The following TEX14 variants were observed in gnomAD, a reference collection of about 807,000 sequenced individuals.
The protein encoded by TEX14 is inactive serine/threonine-protein kinase TEX14.
A neutral mutation model predicts 178.6 loss-of-function variants in TEX14; 168 were observed. That is an observed-to-expected ratio of 0.94 (90% CI 0.83 to 1.07). TEX14 has a LOEUF of 1.07. TEX14 is among the 50% of genes least tolerant of loss of function. The pLI is 0.00. For synonymous variants in TEX14, 626 were observed against 634.1 expected, an observed-to-expected ratio of 0.99 and a Z score of 0.19; for missense variants, 1,730 against 1,753.6, an observed-to-expected ratio of 0.99 and a Z score of 0.24.
At position 58,587,562 on chromosome 17, in the gene TEX14, C is replaced by A. The variant is rs1012651328; in HGVS notation, c.2788+19G>T. The A allele has an allele frequency of 7.1e-7, 1 of 1,416,330 alleles. No individual in the cohort carries two copies. Among genetic ancestry groups the A allele is most frequent in the Non-Finnish European group, 9.9e-7 (1 of 1,012,068 alleles). 87.7% of individuals were successfully genotyped at this position (1,416,330 alleles called of 1,614,324 possible). On this transcript the variant is annotated intron_variant, in intron 17 of 31. Coordinates refer to ENST00000349033, the MANE Select transcript of TEX14 (RefSeq NM_031272.5). ...TTAAATTTCATTTTGTCTAATAAAA[C>A]CCATGACTTTATACTCACTTTTCCA...
chr17:58,638,152 C>A (rs532802477), intron 2 of TEX14, among the ~76,000 whole-genome samples: 2 of 151,440 alleles, frequency 1.3e-5, no homozygotes, highest in African/African-American at 4.9e-5. Context: ...TGAGCCACTG[C>A]GCCTGGCCTG....
intron 11 of TEX14, among the ~76,000 whole-genome samples, chr17:58,604,667 T>A (rs1457329341): frequency 2.0e-5 from 3 of 150,512 alleles, no homozygotes; most frequent in Non-Finnish European, 3.0e-5. Flanking sequence ...TTCAAGTGAT[T>A]TTCCTGCCTC....
At chr17:58,648,786 C>CTTTTTTTTTT (rs34918333) in intron 2 of TEX14, among the ~76,000 whole-genome samples, 858 of 89,608 alleles carry the variant, frequency 9.6e-3, no homozygotes, top group Non-Finnish European at 0.012. Context: ...CTTTTTTTTT[C>CTTTTTTTTTT]TTTTTTTTTT....
At chr17:58,594,356 CTTTTTTT>C (rs1216981083) in intron 14 of TEX14, among the ~76,000 whole-genome samples, 2 of 141,674 alleles carry the variant, frequency 1.4e-5, no homozygotes, top group Middle Eastern at 3.6e-3. Context: ...GAATCTTTTT[CTTTTTTT>C]TTTTTTTGAG....
rs2044479458 is a variant in TEX14 at position 58,569,771 on chromosome 17, CT to C, written c.3818-512del. On this transcript the variant is annotated intron_variant, in intron 25 of 31. Transcript: ENST00000349033. This position sits in a 1 kb window ranked among gnomAD's most constrained non-coding sequence, Gnocchi z 4.1. Reference sequence around the variant, plus strand: ...CATAATTCACAAAATCCCTATCCCCCTGAGGGAAATTCCAAGAGTTATACCA... The same window carrying C: ...CATAATTCACAAAATCCCTATCCCCCGAGGGAAATTCCAAGAGTTATACCA... Among the ~76,000 whole-genome samples the C allele has an allele frequency of 1.3e-5, 2 of 152,154 alleles. No homozygotes were observed. The highest frequency in any genetic ancestry group is 2.4e-5 in the African/African-American group (1 of 41,430).
rs776142227 is a variant in TEX14 at position 58,573,289 on chromosome 17, C to T, written c.3403G>A (p.Asp1135Asn). ...GGTTCATAGGAGATACTAGACAGGT[C>T]TTGAATATCCGTCAATGATCTAAAG... ...EKDISLTDIQ[D>N]LSSISYEPDS... Residue 1135 changes from aspartate to asparagine, a missense_variant, in exon 23 of 32, where the codon GAC becomes AAC. By Grantham distance (23) the Asp-to-Asn change is conservative. This residue lies in a region of TEX14 where 941 missense variants were observed against 1,072.4 expected (regional missense o/e 0.88). Transcript: ENST00000349033. 6.8e-6 allele frequency: 11 copies of T among 1,613,400 alleles called. No homozygotes were observed. Among genetic ancestry groups the T allele is most frequent in the Non-Finnish European group, 7.6e-6 (9 of 1,179,402 alleles).
chr17:58,689,219 G>A (rs1007208574), intron 1 of TEX14, among the ~76,000 whole-genome samples: 2 of 149,222 alleles, frequency 1.3e-5, no homozygotes, highest in Non-Finnish European at 3.0e-5. Context: ...GAGACATCAC[G>A]CTCAGCTAAT....
At chr17:58,668,665 T>G (rs923275218) in intron 1 of TEX14, among the ~76,000 whole-genome samples, 1 of 152,186 alleles carries the variant, frequency 6.6e-6, no homozygotes, top group African/African-American at 2.4e-5. Context: ...TTAAAATCCA[T>G]GTAGTCATCC....
chr17:58,639,417 T>C (rs1418830835), intron 2 of TEX14, among the ~76,000 whole-genome samples: 1 of 151,464 alleles, frequency 6.6e-6, no homozygotes, highest in Non-Finnish European at 1.5e-5. Context: ...CTTACTCATG[T>C]TGGCCGGGCG....
Position 58,569,132 on chromosome 17 carries a change from T to C in TEX14, c.3886+60A>G. 7.4e-7 allele frequency: 1 copy of C among 1,350,588 alleles called. No individual in the cohort carries two copies. Among genetic ancestry groups the C allele is most frequent in the South Asian group, 1.2e-5 (1 of 83,886 alleles). 83.7% of individuals were successfully genotyped at this position (1,350,588 alleles called of 1,614,324 possible). A position where few individuals can be genotyped will look rare whatever the true frequency, so the allele number is the denominator to read the frequency against. On this transcript the variant is annotated intron_variant, in intron 26 of 31. Coordinates refer to ENST00000349033, the MANE Select transcript of TEX14 (RefSeq NM_031272.5). This position sits in a 1 kb window ranked among gnomAD's most constrained non-coding sequence, Gnocchi z 4.1. ...CACACTTGAGACAAAGACACCATAC[T>C]GTGGTCAGTGACATAACTAACAGGG...
chr17:58,577,491 T>C, intron 20 of TEX14, 35 bp from the exon 21 acceptor site: 1 of 751,632 alleles, frequency 1.3e-6, no homozygotes, highest in Non-Finnish European at 1.9e-6. Context: ...ATATATATAT[T>C]TTTTTTTACT....
At chr17:58,595,357 T>C (rs1412510492) in intron 14 of TEX14, among the ~76,000 whole-genome samples, 3 of 152,150 alleles carry the variant, frequency 2.0e-5, no homozygotes. Flanking sequence ...TAGTAGATTG[T>C]TTCCAGCAGT....
rs559847436 is a variant in TEX14, at chr17:58,687,050, CCCA to C, written c.-2+4886_-2+4888del. 2.3e-3 allele frequency among the ~76,000 whole-genome samples: 351 copies of C among 151,566 alleles called. 1 individual carries two copies. Among genetic ancestry groups the C allele is most frequent in the African/African-American group, 8.2e-3 (338 of 41,342 alleles). On this transcript the variant is annotated intron_variant, in intron 1 of 31. Coordinates refer to ENST00000349033, the MANE Select transcript of TEX14 (RefSeq NM_031272.5). Reference sequence around the variant, plus strand: ...CACCACACCTGTAGGGAGCTGAAGGCCCATGGGATGTGACCAACTCAGCATTCC... The same window carrying C: ...CACCACACCTGTAGGGAGCTGAAGGCTGGGATGTGACCAACTCAGCATTCC...
intron 13 of TEX14, 142 bp from the exon 14 acceptor site, chr17:58,599,808 G>C (rs528914400): frequency 1.1e-5 from 7 of 662,556 alleles, no homozygotes; most frequent in Non-Finnish European, 1.8e-5. Flanking sequence ...AGTTGTGGAA[G>C]ACTACTGGAT....
At chr17:58,626,251 G>A (rs1369712505) in intron 3 of TEX14, among the ~76,000 whole-genome samples, 2 of 152,070 alleles carry the variant, frequency 1.3e-5, no homozygotes, top group African/African-American at 4.8e-5. Flanking sequence ...CCATCACAGC[G>A]TTTCCACTGA....
chr17:58,566,189 G>T (rs34382037), intron 26 of TEX14, among the ~76,000 whole-genome samples: 28,135 of 152,090 alleles, frequency 0.18, 2,777 homozygotes, highest in Non-Finnish European at 0.21. Context: ...CAGGTGTCAG[G>T]TTCTGTTTCT....
chr17:58,587,753 C>T (rs2045013363), intron 16 of TEX14, 87 bp from the exon 17 acceptor site: 1 of 1,167,870 alleles, frequency 8.6e-7, no homozygotes, highest in South Asian at 1.3e-5. Flanking sequence ...GAACCAAAAG[C>T]CCACCAGCCC....
intron 12 of TEX14, 116 bp from the exon 13 acceptor site, chr17:58,602,072 G>T: frequency 9.3e-7 from 1 of 1,080,502 alleles, no homozygotes; most frequent in Non-Finnish European, 1.3e-6. Flanking sequence ...TGGGTAGACT[G>T]ACTTTAGTCC....
At chr17:58,589,735 C>A (rs1233900028) in intron 15 of TEX14, among the ~76,000 whole-genome samples, 1 of 151,032 alleles carries the variant, frequency 6.6e-6, no homozygotes. Context: ...GGGTCTGACT[C>A]TGTCACTAGG....
Sources: allele counts gnomAD v4.1 joint callset (sites outside exome capture counted in the v4.1 genomes callset), GRCh38; gene constraint gnomAD v4.1.1; regional missense constraint gnomAD v4.1.1; non-coding constraint Gnocchi (gnomAD v3.1); transcripts MANE v1.5; gene names NCBI Gene and HGNC (gene_info 2026-07-23, HGNC 2026-07-21).